Variants in EPB41L2 observed in about 807,000 individuals in gnomAD.
The protein encoded by EPB41L2 is erythrocyte membrane protein band 4.1 like 2.
Under a neutral mutation model 113.0 loss-of-function variants are expected in EPB41L2, and 43 were observed. That is an observed-to-expected ratio of 0.38 (90% CI 0.30 to 0.49). The LOEUF (loss-of-function observed/expected upper bound fraction) is 0.49. Among genes scored for constraint, EPB41L2 ranks in the 20% least tolerant of loss-of-function variants. The pLI is 0.95. For missense variants in EPB41L2, 1,147 were observed against 1,223.4 expected (o/e 0.94, Z 0.93); for synonymous variants, 442 against 436.7 (o/e 1.01, Z -0.15).
At chr6:131,032,252 G>A (rs915912918) in intron 1 of EPB41L2, among the ~76,000 whole-genome samples, 1 of 146,540 alleles carries the variant, frequency 6.8e-6, no homozygotes, top group Non-Finnish European at 1.5e-5. Flanking sequence ...AAAAATACAA[G>A]GGTTTCATCC....
chr6:130,904,795 C>T (rs923451981), intron 5 of EPB41L2, among the ~76,000 whole-genome samples: 2 of 151,750 alleles, frequency 1.3e-5, no homozygotes, highest in South Asian at 4.2e-4. Flanking sequence ...TTACTGATAC[C>T]TCAACATGTG....
rs762560223 is a variant in EPB41L2 at position 130,955,097 on chromosome 6, T to C, written c.705+8A>G. ...TCAAGCTAGCTCTCACTCAGCTCCC[T>C]ATCTCACCTCCAGGTCACAGCTGTA... On this transcript the variant is annotated splice_region_variant and intron_variant, in intron 3 of 19. Coordinates refer to ENST00000337057, the MANE Select transcript of EPB41L2 (RefSeq NM_001431.4). 2 of 1,613,274 alleles carry C rather than the reference T, an allele frequency of 1.2e-6. No homozygotes were observed. The highest frequency in any genetic ancestry group is 1.7e-6 in the Non-Finnish European group (2 of 1,179,238).
intron 1 of EPB41L2, among the ~76,000 whole-genome samples, chr6:131,029,903 CTTTT>C (rs1234856068): frequency 2.1e-5 from 3 of 140,066 alleles, no homozygotes; most frequent in Non-Finnish European, 3.1e-5. Context: ...CTCTTTTTTT[CTTTT>C]TTTTTTTTTT....
At chr6:130,876,658 G>A (rs954352625) in intron 14 of EPB41L2, 1 of 1,287,218 alleles carries the variant, frequency 7.8e-7, no homozygotes, top group Non-Finnish European at 1.0e-6. Flanking sequence ...TAGATCCAAG[G>A]GTGCAAGGTG....
chr6:130,848,197 TCTCACACACACACACACACACACA>T (rs1326551182), intron 19 of EPB41L2, among the ~76,000 whole-genome samples: 2 of 127,750 alleles, frequency 1.6e-5, no homozygotes, highest in African/African-American at 5.8e-5. Flanking sequence ...TCTCTCTCTC[TCTCACACACACACACACACACACA>T]CACACACACA....
chr6:130,908,786 C>A lies in EPB41L2; in HGVS notation c.853+35G>T, dbSNP rs751725484. ...TATATCACAAATAGATATCAAGACA[C>A]CTTAACTTCAAAGAATGATTATTTA... On this transcript the variant is annotated intron_variant, in intron 5 of 19. Coordinates refer to ENST00000337057, the MANE Select transcript of EPB41L2 (RefSeq NM_001431.4). 14 of 1,512,470 alleles carry A rather than the reference C, an allele frequency of 9.3e-6. No homozygotes were observed. In the South Asian group the frequency reaches 9.4e-5, roughly 10 times the overall value. The allele number at this position is 1,512,470 out of a possible 1,614,324, so 93.7% of individuals were successfully genotyped here.
chr6:130,932,664 A>G (rs938805387), intron 3 of EPB41L2, among the ~76,000 whole-genome samples: 2 of 149,334 alleles, frequency 1.3e-5, no homozygotes, highest in African/African-American at 4.9e-5. Flanking sequence ...AGCATTATTC[A>G]CATCTATGGC....
chr6:131,006,633 G>GA, intron 1 of EPB41L2, among the ~76,000 whole-genome samples: 1 of 54,680 alleles, frequency 1.8e-5, no homozygotes, highest in Non-Finnish European at 3.5e-5. Flanking sequence ...TCGCACCACT[G>GA]AACCCGACTG....
intron 1 of EPB41L2, among the ~76,000 whole-genome samples, chr6:131,038,074 T>C (rs371354937): frequency 4.5e-4 from 69 of 152,334 alleles, no homozygotes; most frequent in African/African-American, 1.6e-3. Flanking sequence ...TTCATTTTTA[T>C]ATTTCTTTTT....
At chr6:130,909,038 T>C (rs1423908174) in intron 4 of EPB41L2, among the ~76,000 whole-genome samples, 175 bp from the exon 5 acceptor site, 1 of 152,214 alleles carries the variant, frequency 6.6e-6, no homozygotes, top group Non-Finnish European at 1.5e-5. Flanking sequence ...TGGGGACATA[T>C]GTGTGTAAAT....
At position 130,865,575 on chromosome 6, in the gene EPB41L2, A is replaced by G. The variant is rs1783484284; in HGVS notation, c.2790T>C (p.Ser930=). 1 of 1,614,214 alleles carries G rather than the reference A, an allele frequency of 6.2e-7. No individual in the cohort carries two copies. Among genetic ancestry groups the G allele is most frequent in the Admixed American group, 1.7e-5 (1 of 60,032 alleles). The change falls in exon 17 of 20, where the codon TCT becomes TCC. Residue 930 remains serine, a synonymous_variant. Coordinates refer to ENST00000337057, the MANE Select transcript of EPB41L2 (RefSeq NM_001431.4). ...GTLLTAQTIT[S]ESVSTTTTTH... ...TGGTTGTCGTTGTTGACACGGACTC[A>G]GATGTGATGGTTTGTGCGGTCAGTA... is the stretch of plus-strand genomic sequence containing the variant.
At chr6:130,970,974 C>A (rs1006652573) in intron 1 of EPB41L2, among the ~76,000 whole-genome samples, 1 of 152,274 alleles carries the variant, frequency 6.6e-6, no homozygotes, top group Non-Finnish European at 1.5e-5. Flanking sequence ...GCAGCCTCGA[C>A]CTCCTGGGCT....
At chr6:130,878,048 T>G (rs1788106061) in intron 14 of EPB41L2, 56 bp downstream of exon 14, 1 of 1,490,288 alleles carries the variant, frequency 6.7e-7, no homozygotes, top group Non-Finnish European at 8.9e-7. Context: ...ATTAACAATT[T>G]AAGTTTTATT....
chr6:130,918,731 G>A (rs1038809830), intron 4 of EPB41L2, among the ~76,000 whole-genome samples: 41 of 152,128 alleles, frequency 2.7e-4, no homozygotes, highest in Admixed American at 1.6e-3. Flanking sequence ...ACAAATAATC[G>A]TGGTTTTCAC....
intron 1 of EPB41L2, among the ~76,000 whole-genome samples, chr6:130,963,828 G>A (rs1008120296): frequency 2.0e-5 from 3 of 152,014 alleles, no homozygotes; most frequent in Admixed American, 6.6e-5. Flanking sequence ...TGTAATACTG[G>A]CAATCCAACA....
chr6:131,049,748 A>T (rs1796165889), intron 1 of EPB41L2, among the ~76,000 whole-genome samples: 2 of 151,998 alleles, frequency 1.3e-5, no homozygotes, highest in South Asian at 4.1e-4. Context: ...GTATTTCAAA[A>T]TGTTGACACA....
At chr6:130,943,722 T>C (rs1583723019) in intron 3 of EPB41L2, among the ~76,000 whole-genome samples, 1 of 152,200 alleles carries the variant, frequency 6.6e-6, no homozygotes, top group African/African-American at 2.4e-5. Flanking sequence ...GTGAAAGAAT[T>C]CCTCGAATGC....
At chr6:130,991,155 T>C (rs537418757) in intron 1 of EPB41L2, among the ~76,000 whole-genome samples, 98 of 152,248 alleles carry the variant, frequency 6.4e-4, no homozygotes, top group African/African-American at 2.2e-3. Flanking sequence ...GGCCATGACT[T>C]GGAAACACCA....
intron 14 of EPB41L2, 127 bp from the exon 15 acceptor site, chr6:130,870,253 G>A (rs1214442320): frequency 1.3e-6 from 2 of 1,534,346 alleles, no homozygotes; most frequent in East Asian, 2.4e-5. Context: ...ATGGCTGACT[G>A]AAAGGGAAGC....
Sources: allele counts gnomAD v4.1 joint callset (sites outside exome capture counted in the v4.1 genomes callset), GRCh38; gene constraint gnomAD v4.1.1; transcripts MANE v1.5; gene names NCBI Gene and HGNC (gene_info 2026-07-23, HGNC 2026-07-21).